The following RASA3 variants were observed in gnomAD, a reference collection of about 807,000 sequenced individuals.
RASA3 encodes the protein ras GTPase-activating protein 3.
RASA3 carries 73 observed loss-of-function variants against 110.0 expected under a neutral mutation model. That is an observed-to-expected ratio of 0.66 (90% CI 0.55 to 0.81). The LOEUF is 0.81. RASA3 is among the 30% of genes least tolerant of loss of function. RASA3 has a pLI of 0.00. For missense variants in RASA3, 976 were observed against 1,113.2 expected (o/e 0.88, Z 1.75); for synonymous variants, 500 against 451.4 (o/e 1.11, Z -1.37).
chr13:114,012,391 C>G (rs567696068), intron 15 of RASA3, among the ~76,000 whole-genome samples: 4 of 150,306 alleles, frequency 2.7e-5, no homozygotes, highest in African/African-American at 9.8e-5. Context: ...ACTCCCCGTG[C>G]ACCGTCCACA....
At chr13:114,051,271 CCCCGGCCG>C (rs1229349153) in intron 3 of RASA3, among the ~76,000 whole-genome samples, 2 of 152,172 alleles carry the variant, frequency 1.3e-5, no homozygotes, top group African/African-American at 4.8e-5. Flanking sequence ...CACACTGGCT[CCCCGGCCG>C]CCCGTCCTGG....
chr13:113,983,038 T>C (rs1007301402), intron 22 of RASA3, among the ~76,000 whole-genome samples: 1 of 150,974 alleles, frequency 6.6e-6, no homozygotes, highest in African/African-American at 2.4e-5. Flanking sequence ...TGGCTGCTGC[T>C]GTACCTTCAA....
chr13:114,015,767 G>A (rs960793246), intron 13 of RASA3, among the ~76,000 whole-genome samples: 1 of 152,222 alleles, frequency 6.6e-6, no homozygotes, highest in Admixed American at 6.5e-5. Flanking sequence ...GGGACAGCCT[G>A]GGGAGGCAGG....
chr13:114,097,150 A>G (rs1462029302), intron 1 of RASA3, among the ~76,000 whole-genome samples: 1 of 152,238 alleles, frequency 6.6e-6, no homozygotes, highest in Admixed American at 6.5e-5. Context: ...AGTTCTCCGC[A>G]GATATGGGCT....
At position 114,021,518 on chromosome 13, in the gene RASA3, A is replaced by G. The variant is rs2053926531; in HGVS notation, c.681-10T>C. 1.2e-6 allele frequency: 2 copies of G among 1,612,038 alleles called. No homozygotes were observed. Among genetic ancestry groups the G allele is most frequent in the Admixed American group, 1.7e-5 (1 of 60,022 alleles). ...ATTCCAGAGGTCAACTCTGAAAAAC[A>G]GCATCAGGACAGCTCTAGCTGACGG... On this transcript the variant is annotated splice_polypyrimidine_tract_variant and intron_variant, in intron 8 of 23. Transcript: ENST00000334062.
chr13:114,100,187 C>G (rs61971964), intron 1 of RASA3, among the ~76,000 whole-genome samples: 1 of 151,446 alleles, frequency 6.6e-6, no homozygotes, highest in East Asian at 2.0e-4. Flanking sequence ...TCGCAGGAGA[C>G]GCAGCTCTGA....
intron 8 of RASA3, among the ~76,000 whole-genome samples, chr13:114,023,243 C>T (rs78341420): frequency 0.039 from 4,592 of 116,498 alleles, 119 homozygotes; most frequent in Non-Finnish European, 0.067. Context: ...ATCCCAGGCT[C>T]GGGGACATCC....
chr13:114,101,092 T>C (rs905946332), intron 1 of RASA3, among the ~76,000 whole-genome samples: 1 of 152,114 alleles, frequency 6.6e-6, no homozygotes, highest in Admixed American at 6.5e-5. Flanking sequence ...CACACCCACA[T>C]GGATGGCCTG....
At chr13:114,010,527 G>A (rs1177664074) in intron 16 of RASA3, among the ~76,000 whole-genome samples, 1 of 151,214 alleles carries the variant, frequency 6.6e-6, no homozygotes, top group Non-Finnish European at 1.5e-5. Context: ...CCAGTCTGAA[G>A]GGACGAGGAT....
chr13:114,131,046 A>G (rs1005864090), intron 1 of RASA3, among the ~76,000 whole-genome samples: 2 of 152,248 alleles, frequency 1.3e-5, no homozygotes, highest in African/African-American at 4.8e-5. Flanking sequence ...ACATTAACAA[A>G]AGAAATCCCT....
intron 6 of RASA3, 24 bp downstream of exon 6, chr13:114,027,823 A>G: frequency 6.2e-7 from 1 of 1,608,994 alleles, no homozygotes; most frequent in South Asian, 1.1e-5. Flanking sequence ...CCAGAACAGA[A>G]ACCTGAAGCG....
At chr13:113,992,083 C>T (rs2053131470) in intron 22 of RASA3, among the ~76,000 whole-genome samples, 1 of 152,178 alleles carries the variant, frequency 6.6e-6, no homozygotes, top group Non-Finnish European at 1.5e-5. Context: ...TGTCCACATT[C>T]ACACGCTCAC....
chr13:114,077,479 CCACT>C (rs1170256552), intron 1 of RASA3, among the ~76,000 whole-genome samples: 1 of 147,498 alleles, frequency 6.8e-6, no homozygotes, highest in African/African-American at 2.5e-5. Context: ...TCCTCCCTCC[CCACT>C]CAATGATGCC....
At chr13:114,094,869 C>T (rs1025226304) in intron 1 of RASA3, among the ~76,000 whole-genome samples, 12 of 152,184 alleles carry the variant, frequency 7.9e-5, no homozygotes, top group African/African-American at 2.9e-4. Flanking sequence ...GACCGAGGCG[C>T]GGGCTCCCCC....
At chr13:114,066,853 G>A (rs2079460445) in intron 2 of RASA3, among the ~76,000 whole-genome samples, 1 of 152,234 alleles carries the variant, frequency 6.6e-6, no homozygotes, top group Non-Finnish European at 1.5e-5. Context: ...AGCATTCCAG[G>A]ACTGAGAGAA....
chr13:114,132,552 C>G lies in RASA3; in HGVS notation c.-63G>C, dbSNP rs963311347. On this transcript the variant is annotated 5_prime_UTR_variant, in exon 1 of 24. Transcript: ENST00000334062. ...CGCGCCGAGCCCGGGCAGCTCAGGC[C>G]GAGCAGGAGGAGCGGCGGCGCCGGA... The G allele has an allele frequency of 7.8e-6, 10 of 1,279,366 alleles. No individual in the cohort carries two copies. Among genetic ancestry groups the G allele is most frequent in the South Asian group, 7.5e-5 (3 of 40,146 alleles). The allele number at this position is 1,279,366 out of a possible 1,614,324, so 79.3% of individuals were successfully genotyped here.
chr13:114,045,648 C>T (rs899679588), intron 3 of RASA3, among the ~76,000 whole-genome samples: 1 of 152,278 alleles, frequency 6.6e-6, no homozygotes, highest in South Asian at 2.1e-4. Flanking sequence ...AATCTACAGG[C>T]AAAGCTAATA....
At position 114,048,246 on chromosome 13, in the gene RASA3, T is replaced by C. The variant is rs113941822; in HGVS notation, c.277+3806A>G. On this transcript the variant is annotated intron_variant, in intron 3 of 23. Coordinates refer to ENST00000334062, the MANE Select transcript of RASA3 (RefSeq NM_007368.4). This position sits in a 1 kb window ranked among gnomAD's most constrained non-coding sequence, Gnocchi z 4.3. Reference sequence around the variant, plus strand: ...AGGAGAATGGCGTGAACCCGGGAGGTGGAGGTTGCAGTGAGCCGAGATCGC... The same window carrying C: ...AGGAGAATGGCGTGAACCCGGGAGGCGGAGGTTGCAGTGAGCCGAGATCGC... Among the ~76,000 whole-genome samples the C allele has an allele frequency of 6.3e-5, 9 of 141,736 alleles. No individual in the cohort carries two copies. Among genetic ancestry groups the C allele is most frequent in the African/African-American group, 2.1e-4 (8 of 37,614 alleles). The allele number at this position is 141,736 out of a possible 152,430, so 93.0% of individuals were successfully genotyped here. A position where few individuals can be genotyped will look rare whatever the true frequency, so the allele number is the denominator to read the frequency against.
At chr13:114,075,321 C>T (rs2079650713) in intron 1 of RASA3, among the ~76,000 whole-genome samples, 1 of 152,190 alleles carries the variant, frequency 6.6e-6, no homozygotes, top group Admixed American at 6.5e-5. Flanking sequence ...AGTTTGCAAA[C>T]TGGCATGCCA....
Sources: gnomAD v4.1 joint callset for allele counts (sites outside exome capture counted in the v4.1 genomes callset) on GRCh38, gnomAD v4.1.1 for gene constraint, Gnocchi (gnomAD v3.1) non-coding constraint, MANE v1.5 for transcripts, NCBI Gene and HGNC (gene_info 2026-07-23, HGNC 2026-07-21) for gene names.